The following ITIH3 variants were observed in gnomAD, a reference collection of about 807,000 sequenced individuals.
ITIH3 encodes inter-alpha-trypsin inhibitor heavy chain 3, also known as inter-alpha-trypsin inhibitor heavy chain H3.
Under a neutral mutation model 96.5 loss-of-function variants are expected in ITIH3, and 81 were observed. The observed-to-expected ratio is 0.84, with a 90% CI of 0.70 to 1.01. The LOEUF is 1.01. Ranked by LOEUF, ITIH3 falls within the 50% of genes least tolerant of loss-of-function variation. The pLI is 0.00. For synonymous variants in ITIH3, 422 were observed against 445.2 expected (o/e 0.95, Z 0.66); for missense variants, 1,057 against 1,139.3 (o/e 0.93, Z 1.04).
At chr3:52,799,166 C>T in intron 7 of ITIH3, 75 bp downstream of exon 7, 2 of 1,545,746 alleles carry the variant, frequency 1.3e-6, no homozygotes, top group Admixed American at 1.8e-5. Context: ...GGATCTAGTG[C>T]CATCACCCTG....
chr3:52,802,638 C>T (rs745411478), intron 12 of ITIH3, 29 bp from the exon 13 acceptor site: 2 of 1,613,666 alleles, frequency 1.2e-6, no homozygotes, highest in African/African-American at 1.3e-5. Flanking sequence ...AAGCCTCCAG[C>T]CCCTTGCCTC....
Position 52,800,584 on chromosome 3 carries a change from C to T in ITIH3, c.1122C>T (p.Asn374=). Residue 374 remains asparagine (N), a synonymous_variant, in exon 10 of 22, where the codon AAC becomes AAT. Transcript: ENST00000449956. ...TGCTGAGGGGCATCAGTATGCTGAA[C>T]AAGGCCCGAGAGGAGCACAGAATCC... ...DGLLRGISML[N]KAREEHRIPE... 2 of 1,567,024 alleles carry T rather than the reference C, an allele frequency of 1.3e-6. No individual in the cohort carries two copies. The highest frequency in any genetic ancestry group is 2.4e-5 in the East Asian group (1 of 42,256).
chr3:52,805,397 G>A lies in ITIH3; in HGVS notation c.1874-411G>A, dbSNP rs538299004. The A allele has an allele frequency of 8.1e-5, 83 of 1,018,654 alleles. No individual in the cohort carries two copies. The South Asian group carries it at 1.5e-3, about 18-fold the overall frequency. 63.1% of individuals were successfully genotyped at this position (1,018,654 alleles called of 1,614,324 possible). A position where few individuals can be genotyped will look rare whatever the true frequency, so the allele number is the denominator to read the frequency against. On this transcript the variant is annotated intron_variant, in intron 15 of 21. Coordinates refer to ENST00000449956, the MANE Select transcript of ITIH3 (RefSeq NM_002217.4). ...TGTGAGTACATATATGCATGTGCAC[G>A]CATATGTGTGCGCCTGTGTGCACGT...
In ITIH3 at chr3:52,803,946, A is replaced by C; in HGVS notation, c.1801A>C (p.Met601Leu). ...KYHFVTPLTS[M>L]VVTKPEDNED... Reference sequence around the variant, plus strand: ...TCACTTTGTGACTCCACTGACCTCAATGGTGGTGACCAAGCCTGAGGACAA... The same window carrying C: ...TCACTTTGTGACTCCACTGACCTCACTGGTGGTGACCAAGCCTGAGGACAA... The change falls in exon 14 of 22, where the codon ATG becomes CTG. Residue 601 changes from methionine to leucine, a missense_variant. Physicochemically the swap from Met to Leu is conservative, Grantham distance 15. Coordinates refer to ENST00000449956, the MANE Select transcript of ITIH3 (RefSeq NM_002217.4). 1 of 1,613,820 alleles carries C rather than the reference A, an allele frequency of 6.2e-7. No individual in the cohort carries two copies. The highest frequency in any genetic ancestry group is 8.5e-7 in the Non-Finnish European group (1 of 1,179,808).
In ITIH3 at chr3:52,806,934, A is replaced by G; in HGVS notation, c.2090A>G (p.Lys697Arg). The G allele has an allele frequency of 6.3e-7, 1 of 1,591,988 alleles. No homozygotes were observed. The highest frequency in any genetic ancestry group is 8.6e-7 in the Non-Finnish European group (1 of 1,169,184). ...LTVNGQITGD[K>R]RGSPDSKTRK... Reference sequence around the variant, plus strand: ...GTTAATGGGCAGATCACTGGCGACAAGAGAGGCAGCCCTGACTCCAAGACC... The same window carrying G: ...GTTAATGGGCAGATCACTGGCGACAGGAGAGGCAGCCCTGACTCCAAGACC... The change falls in exon 19 of 22, where the codon AAG (lysine) becomes AGG (arginine). Residue 697 changes from lysine (K) to arginine (R), a missense_variant. By Grantham distance (26) the Lys-to-Arg change is conservative. Transcript: ENST00000449956.
chr3:52,806,315 C>T lies in ITIH3; in HGVS notation c.1965C>T (p.Ile655=), dbSNP rs1700045778. 6.2e-7 allele frequency: 1 copy of T among 1,613,798 alleles called. No homozygotes were observed. The highest frequency in any genetic ancestry group is 1.3e-5 in the African/African-American group (1 of 74,940). The change falls in exon 18 of 22, where the codon ATC becomes ATT. Residue 655 remains isoleucine (I), a synonymous_variant. Transcript: ENST00000449956. ...CAGTGGACGGGGATCCCCACTTCAT[C>T]ATCCAAATTCCGGAGAAAGACGATG... ...YYYVDGDPHF[I]IQIPEKDDAL...
Position 52,802,445 on chromosome 3 carries a change from T to G in ITIH3, c.1495T>G (p.Ser499Ala). 6.2e-7 allele frequency: 1 copy of G among 1,613,894 alleles called. No homozygotes were observed. The highest frequency in any genetic ancestry group is 8.5e-7 in the Non-Finnish European group (1 of 1,179,856). Residue 499 changes from serine (S) to alanine (A), a missense_variant, in exon 12 of 22, where the codon TCT becomes GCT. Ser to Ala is a moderately conservative substitution (Grantham distance 99). Coordinates refer to ENST00000449956, the MANE Select transcript of ITIH3 (RefSeq NM_002217.4). Reference sequence around the variant, plus strand: ...CACTTACCAGCACTTCTACGATGGCTCTGAGATCGTGGTGGCCGGGCGCCT... The same window carrying G: ...CACTTACCAGCACTTCTACGATGGCGCTGAGATCGTGGTGGCCGGGCGCCT... ...QNTYQHFYDG[S>A]EIVVAGRLVD...
intron 14 of ITIH3, chr3:52,804,403 C>A: frequency 9.1e-6 from 4 of 438,888 alleles, no homozygotes; most frequent in Non-Finnish European, 1.6e-5. Context: ...GAGCTGGAGG[C>A]TGGGACCCCC....
At chr3:52,806,871 G>C (rs1700070886) in intron 18 of ITIH3, 30 bp from the exon 19 acceptor site, 5 of 1,548,376 alleles carry the variant, frequency 3.2e-6, no homozygotes, top group Non-Finnish European at 2.6e-6. Context: ...GTTCTCGCTG[G>C]TCTCTCTCCC....
rs1173279250 is a variant in ITIH3 at position 52,794,896 on chromosome 3, G to A, written c.93G>A (p.Gly31=). The A allele has an allele frequency of 6.2e-7, 1 of 1,613,120 alleles. No individual in the cohort carries two copies. Among genetic ancestry groups the A allele is most frequent in the Non-Finnish European group, 8.5e-7 (1 of 1,179,188 alleles). The change falls in exon 1 of 22, where the codon GGG becomes GGA. Residue 31 remains glycine, a splice_region_variant and synonymous_variant. Coordinates refer to ENST00000449956, the MANE Select transcript of ITIH3 (RefSeq NM_002217.4). ...CGAGAAGCCCCTTTCGGCTGCTTGG[G>A]GTGAGTCTGCCCCCTCTTTGCCATC... ...GFPRSPFRLL[G]KRSLPEGVAN...
Position 52,807,826 on chromosome 3 carries a change from G to A in ITIH3, c.2341G>A (p.Val781Met). The A allele has an allele frequency of 6.2e-7, 1 of 1,611,852 alleles. No homozygotes were observed. The highest frequency in any genetic ancestry group is 1.3e-5 in the African/African-American group (1 of 75,010). Residue 781 changes from valine to methionine, a missense_variant, in exon 20 of 22, where the codon GTG becomes ATG. By Grantham distance (21) the Val-to-Met change is conservative. Transcript: ENST00000449956. The stretch of plus-strand genomic sequence containing the variant: ...TACCTTCGTGGTCGTCCTACACCAG[G>A]TGTGGAAGAAACATCCTGTCCACCG... The part of the protein sequence containing the change: ...GVTFVVVLHQ[V>M]WKKHPVHRDF...
chr3:52,804,626 C>G, intron 14 of ITIH3, 100 bp from the exon 15 acceptor site: 1 of 1,341,366 alleles, frequency 7.5e-7, no homozygotes, highest in Admixed American at 2.0e-5. Flanking sequence ...AGGCCCACAG[C>G]CTAGGGCTGG....
At chr3:52,804,440 C>T in intron 14 of ITIH3, 2 of 474,744 alleles carry the variant, frequency 4.2e-6, no homozygotes, top group Non-Finnish European at 7.6e-6. Flanking sequence ...TTGCCCTACT[C>T]AACAGGGGGT....
Position 52,806,421 on chromosome 3 carries a change from C to A in ITIH3, c.2056+15C>A. On this transcript the variant is annotated intron_variant, in intron 18 of 21. Coordinates refer to ENST00000449956, the MANE Select transcript of ITIH3 (RefSeq NM_002217.4). ...TGCAGTCACAGGTGAGGCTTGTGGG[C>A]TAGGGCCGGGGCCAGGGGGCTCTTC... The A allele has an allele frequency of 6.3e-7, 1 of 1,598,808 alleles. No individual in the cohort carries two copies. Among genetic ancestry groups the A allele is most frequent in the Non-Finnish European group, 8.6e-7 (1 of 1,169,456 alleles).
At chr3:52,805,364 C>T in intron 15 of ITIH3, 1 of 1,017,518 alleles carries the variant, frequency 9.8e-7, no homozygotes, top group Non-Finnish European at 1.2e-6. Context: ...GATAAATGTA[C>T]CGGTGCATGT....
At chr3:52,808,035 A>G in intron 20 of ITIH3, 75 bp from the exon 21 acceptor site, 1 of 1,581,060 alleles carries the variant, frequency 6.3e-7, no homozygotes, top group African/African-American at 1.3e-5. Context: ...CCTTTGCATC[A>G]ACCCTGAAAG....
chr3:52,802,218 G>T (rs1435826537), intron 11 of ITIH3, 116 bp from the exon 12 acceptor site: 15 of 1,068,782 alleles, frequency 1.4e-5, no homozygotes, highest in Non-Finnish European at 2.0e-5. Context: ...GGGACAGGCA[G>T]AGTGAACATT....
intron 6 of ITIH3, 31 bp from the exon 7 acceptor site, chr3:52,798,935 C>T: frequency 6.2e-7 from 1 of 1,609,720 alleles, no homozygotes; most frequent in Non-Finnish European, 8.5e-7. Context: ...CCTGGCCGAG[C>T]TGAGCAAGGT....
chr3:52,804,734 G>T lies in ITIH3; in HGVS notation c.1873G>T (p.Ala625Ser). 6.3e-7 allele frequency: 1 copy of T among 1,589,032 alleles called. No homozygotes were observed. Among genetic ancestry groups the T allele is most frequent in the Non-Finnish European group, 8.6e-7 (1 of 1,166,644 alleles). The change falls in exon 15 of 22, where the codon GCC (alanine) becomes TCC (serine). Residue 625 changes from alanine to serine, a missense_variant and splice_region_variant. Physicochemically the swap from Ala to Ser is moderately conservative, Grantham distance 99 (BLOSUM62 1). Transcript: ENST00000449956. ...CCTTGCTGCACCTGCAGATGCAGAAGGTAAGCCTTTAGCCAGCCACCGGGT... is the reference window on the plus strand; with the variant it reads ...CCTTGCTGCACCTGCAGATGCAGAATGTAAGCCTTTAGCCAGCCACCGGGT... The part of the protein sequence containing the change: ...IADKPGEDAE[A>S]TPVSPAMSYL...
Sources: gnomAD v4.1 joint callset for allele counts on GRCh38, gnomAD v4.1.1 for gene constraint, MANE v1.5 for transcripts, NCBI Gene and HGNC (gene_info 2026-07-23, HGNC 2026-07-21) for gene names.